DNER: variants seen among roughly 807,000 people sequenced by gnomAD.
DNER encodes delta and Notch-like epidermal growth factor-related receptor.
DNER carries 33 observed loss-of-function variants against 78.2 expected under a neutral mutation model. The observed-to-expected ratio is 0.42, with a 90% CI of 0.32 to 0.56. The LOEUF is 0.56. Ranked by LOEUF, DNER falls within the 20% of genes least tolerant of loss-of-function variation. The pLI is 0.11. For synonymous variants in DNER, 417 were observed against 384.8 expected, an observed-to-expected ratio of 1.08 and a Z score of -0.98; for missense variants, 918 against 975.3, an observed-to-expected ratio of 0.94 and a Z score of 0.78.
At chr2:229,363,617 T>C (rs984168869) in intron 12 of DNER, among the ~76,000 whole-genome samples, 2 of 152,218 alleles carry the variant, frequency 1.3e-5, no homozygotes, top group Non-Finnish European at 2.9e-5. Flanking sequence ...GCTTGCCCGT[T>C]AGGAATTCCG....
intron 6 of DNER, among the ~76,000 whole-genome samples, chr2:229,502,144 C>A (rs549703893): frequency 2.0e-5 from 3 of 152,148 alleles, no homozygotes; most frequent in Non-Finnish European, 4.4e-5. Flanking sequence ...GCAGTGGAAA[C>A]CTGTCCTATC....
chr2:229,686,289 C>T (rs1000112801), intron 1 of DNER, among the ~76,000 whole-genome samples: 2 of 152,048 alleles, frequency 1.3e-5, no homozygotes, highest in South Asian at 2.1e-4. Flanking sequence ...ACTCCCAGCC[C>T]GCACTACCAC....
At chr2:229,576,328 C>CTT (rs61419138) in intron 4 of DNER, among the ~76,000 whole-genome samples, 157 of 118,088 alleles carry the variant, frequency 1.3e-3, no homozygotes, top group African/African-American at 4.3e-3. Flanking sequence ...GTTTCTCTCT[C>CTT]TTTTTTTTTT....
intron 6 of DNER, among the ~76,000 whole-genome samples, chr2:229,483,192 A>G (rs1028746237): frequency 2.0e-5 from 3 of 151,694 alleles, no homozygotes; most frequent in Non-Finnish European, 2.9e-5. Context: ...ACAGCCAAAA[A>G]CCTCCCTCCC....
chr2:229,449,727 T>A (rs755940239), intron 7 of DNER, among the ~76,000 whole-genome samples: 1 of 152,142 alleles, frequency 6.6e-6, no homozygotes, highest in Non-Finnish European at 1.5e-5. Flanking sequence ...CAGCTCAAGG[T>A]GAATCAGAAA....
At chr2:229,361,621 A>G (rs557278146) in intron 12 of DNER, among the ~76,000 whole-genome samples, 1 of 152,310 alleles carries the variant, frequency 6.6e-6, no homozygotes, top group East Asian at 1.9e-4. Flanking sequence ...TGCTCTCCAA[A>G]GGACGTGTCA....
At position 229,418,187 on chromosome 2, in the gene DNER, G is replaced by C; in HGVS notation, c.1530C>G (p.Leu510=). Residue 510 remains leucine (L), a synonymous_variant, in exon 9 of 13, where the codon CTC becomes CTG. Transcript: ENST00000341772. ...TGGCTGCATTCAGGCATGGAGCGGA[G>C]AGGCACTCATTATATTCCTCCTCAC... ...LYCEEEYNEC[L]SAPCLNAATC... 3 of 1,614,142 alleles carry C rather than the reference G, an allele frequency of 1.9e-6. No homozygotes were observed. The highest frequency in any genetic ancestry group is 2.5e-6 in the Non-Finnish European group (3 of 1,179,998).
intron 4 of DNER, among the ~76,000 whole-genome samples, chr2:229,575,674 G>A (rs555244817): frequency 6.6e-6 from 1 of 152,104 alleles, no homozygotes; most frequent in Non-Finnish European, 1.5e-5. Flanking sequence ...TCCCAGCAGG[G>A]CCAATGGACC....
chr2:229,458,338 A>G (rs1456997987), intron 7 of DNER, among the ~76,000 whole-genome samples: 2 of 151,880 alleles, frequency 1.3e-5, no homozygotes, highest in Non-Finnish European at 2.9e-5. Flanking sequence ...AATCCCAAAT[A>G]TGTAGGCGCC....
chr2:229,415,863 C>T (rs1424370680), intron 9 of DNER, among the ~76,000 whole-genome samples: 3 of 152,166 alleles, frequency 2.0e-5, no homozygotes, highest in Non-Finnish European at 2.9e-5. Flanking sequence ...AGTACAATGC[C>T]GATTTGATTC....
chr2:229,613,917 A>G (rs1698098832), intron 1 of DNER, among the ~76,000 whole-genome samples: 1 of 151,584 alleles, frequency 6.6e-6, no homozygotes, highest in Non-Finnish European at 1.5e-5. Flanking sequence ...TCAGCAAACT[A>G]TCACAAGGAC....
chr2:229,543,612 T>G (rs552167534), intron 5 of DNER, among the ~76,000 whole-genome samples: 10 of 152,258 alleles, frequency 6.6e-5, no homozygotes, highest in African/African-American at 2.4e-4. Context: ...CTGGGAAGCC[T>G]GAGAAGGCCT....
At chr2:229,657,500 G>A (rs1310293476) in intron 1 of DNER, among the ~76,000 whole-genome samples, 2 of 152,158 alleles carry the variant, frequency 1.3e-5, no homozygotes, top group African/African-American at 2.4e-5. Context: ...TTTTAGGACC[G>A]TGATTTTTCA....
At chr2:229,376,561 T>C (rs1692606380) in intron 11 of DNER, among the ~76,000 whole-genome samples, 1 of 152,224 alleles carries the variant, frequency 6.6e-6, no homozygotes, top group African/African-American at 2.4e-5. Flanking sequence ...AATGGGGGTC[T>C]GATTAAATAA....
intron 10 of DNER, among the ~76,000 whole-genome samples, chr2:229,402,924 G>A (rs1693298415): frequency 6.6e-6 from 1 of 152,188 alleles, no homozygotes; most frequent in African/African-American, 2.4e-5. Flanking sequence ...GGAATGAAAT[G>A]CTTGAAGAGC....
chr2:229,597,525 C>T (rs985593879), intron 1 of DNER, among the ~76,000 whole-genome samples: 1 of 152,106 alleles, frequency 6.6e-6, no homozygotes, highest in Non-Finnish European at 1.5e-5. Context: ...AACCAAACTG[C>T]CAAAATGCAT....
chr2:229,466,955 T>C (rs1694818094), intron 7 of DNER, among the ~76,000 whole-genome samples: 1 of 152,180 alleles, frequency 6.6e-6, no homozygotes, highest in African/African-American at 2.4e-5. Flanking sequence ...TGTTTTTCCT[T>C]TGAGCACATT....
chr2:229,384,701 A>T (rs1022045377), intron 11 of DNER, among the ~76,000 whole-genome samples: 2 of 152,186 alleles, frequency 1.3e-5, no homozygotes, highest in Non-Finnish European at 2.9e-5. Context: ...CCCTCCCAAG[A>T]CTAAACCAGA....
chr2:229,415,013 T>C (rs981243498), intron 9 of DNER, among the ~76,000 whole-genome samples: 5 of 151,962 alleles, frequency 3.3e-5, no homozygotes, highest in African/African-American at 4.8e-5. Flanking sequence ...AAATCCAAAA[T>C]CAGCTGGGCA....
Sources: allele counts gnomAD v4.1 joint callset (sites outside exome capture counted in the v4.1 genomes callset), GRCh38; gene constraint gnomAD v4.1.1; transcripts MANE v1.5; gene names NCBI Gene and HGNC (gene_info 2026-07-23, HGNC 2026-07-21).